CAP2: variants seen among roughly 807,000 people sequenced by gnomAD.
CAP2 encodes the protein cyclase associated actin cytoskeleton regulatory protein 2.
CAP2 carries 24 observed loss-of-function variants against 57.7 expected under a neutral mutation model. The observed-to-expected ratio is 0.42, with a 90% CI of 0.30 to 0.58. The LOEUF (loss-of-function observed/expected upper bound fraction) is 0.58, where lower values mean the gene tolerates loss of function less well. CAP2 is among the 20% of genes least tolerant of loss of function. The pLI is 0.22. For synonymous variants in CAP2, 194 were observed against 207.2 expected (o/e 0.94, Z 0.55); for missense variants, 501 against 590.3 (o/e 0.85, Z 1.57).
chr6:17,399,980 G>A (rs1026366448), intron 1 of CAP2, among the ~76,000 whole-genome samples: 1 of 152,102 alleles, frequency 6.6e-6, no homozygotes, highest in Admixed American at 6.6e-5. Context: ...CCAGCACTTT[G>A]GGAGGCCAAG....
chr6:17,506,681 C>T (rs1174889205), intron 4 of CAP2, among the ~76,000 whole-genome samples: 4 of 151,844 alleles, frequency 2.6e-5, no homozygotes, highest in East Asian at 3.9e-4. Context: ...TGAAAGATTT[C>T]CACTTTTTCA....
intron 4 of CAP2, among the ~76,000 whole-genome samples, chr6:17,490,945 TC>T (rs1761528205): frequency 6.6e-6 from 1 of 152,226 alleles, no homozygotes; most frequent in Non-Finnish European, 1.5e-5. Context: ...CATGTCTGTT[TC>T]CCGTGCAAGT....
chr6:17,461,638 G>A (rs12213888), intron 3 of CAP2, among the ~76,000 whole-genome samples: 75,047 of 151,716 alleles, frequency 0.49, 19,357 homozygotes, highest in East Asian at 0.84. Flanking sequence ...ATGCCAAAAT[G>A]GTTAATCCTG....
chr6:17,531,093 C>T, intron 7 of CAP2: 1 of 761,978 alleles, frequency 1.3e-6, no homozygotes, highest in East Asian at 2.4e-5. Flanking sequence ...GCAGATGATG[C>T]CATATTTACC....
Position 17,543,055 on chromosome 6 carries a change from C to T in CAP2, c.1127-6C>T. 6.2e-7 allele frequency: 1 copy of T among 1,613,578 alleles called. No individual in the cohort carries two copies. The highest frequency in any genetic ancestry group is 8.5e-7 in the Non-Finnish European group (1 of 1,179,556). ...TGGTTTTTTGTTGTGTTTTTTCTCC[C>T]CACAGACAACTGTAAAAAACTCGGC... On this transcript the variant is annotated splice_region_variant and splice_polypyrimidine_tract_variant and intron_variant, in intron 10 of 12. Transcript: ENST00000229922.
chr6:17,513,744 G>T lies in CAP2; in HGVS notation c.531-105G>T. ...TGGGTTGCAAGGACGATTGCTCCGG[G>T]CTCCAGGGCCCCTAGTCACTAGATA... On this transcript the variant is annotated intron_variant, in intron 6 of 12. Coordinates refer to ENST00000229922, the MANE Select transcript of CAP2 (RefSeq NM_006366.3). The surrounding 1 kb of genome is among the most constrained non-coding windows in gnomAD (Gnocchi z 4.3). The T allele has an allele frequency of 1.4e-6, 1 of 731,168 alleles. No homozygotes were observed. The highest frequency in any genetic ancestry group is 2.4e-6 in the Non-Finnish European group (1 of 416,392). The allele number at this position is 731,168 out of a possible 1,614,324, so 45.3% of individuals were successfully genotyped here. A position where few individuals can be genotyped will look rare whatever the true frequency, so the allele number is the denominator to read the frequency against.
At chr6:17,411,417 G>A (rs1340003921) in intron 1 of CAP2, among the ~76,000 whole-genome samples, 1 of 152,220 alleles carries the variant, frequency 6.6e-6, no homozygotes, top group African/African-American at 2.4e-5. Flanking sequence ...AGCAATGTCT[G>A]AGGGTTCCAA....
At chr6:17,496,555 G>C (rs772388145) in intron 4 of CAP2, among the ~76,000 whole-genome samples, 87 of 152,056 alleles carry the variant, frequency 5.7e-4, no homozygotes, top group Middle Eastern at 3.4e-3. Context: ...CAAACTCCTG[G>C]GTTCAAGCCA....
chr6:17,457,511 A>G (rs769274890), intron 3 of CAP2, among the ~76,000 whole-genome samples: 3 of 152,226 alleles, frequency 2.0e-5, no homozygotes, highest in Non-Finnish European at 2.9e-5. Flanking sequence ...TGACATGTCG[A>G]CCGATAAGGT....
chr6:17,414,598 G>A (rs988393194), intron 1 of CAP2, among the ~76,000 whole-genome samples: 3 of 151,990 alleles, frequency 2.0e-5, no homozygotes, highest in African/African-American at 7.3e-5. Flanking sequence ...TCCTTTTTAC[G>A]GCTGCATAGT....
intron 1 of CAP2, among the ~76,000 whole-genome samples, chr6:17,408,668 T>TTTC (rs1326907552): frequency 6.7e-6 from 1 of 148,542 alleles, no homozygotes; most frequent in African/African-American, 2.5e-5. Context: ...TCCTTTTTTT[T>TTTC]TTTTTTTTTT....
At chr6:17,507,767 C>A in intron 6 of CAP2, 41 bp downstream of exon 6, 1 of 1,089,738 alleles carries the variant, frequency 9.2e-7, no homozygotes, top group Non-Finnish European at 1.4e-6. Flanking sequence ...CAGTTGATTA[C>A]TTGTTAGACA....
At chr6:17,524,311 G>A (rs1378228955) in intron 7 of CAP2, among the ~76,000 whole-genome samples, 2 of 152,266 alleles carry the variant, frequency 1.3e-5, no homozygotes, top group South Asian at 2.1e-4. Flanking sequence ...ATACTGTGAA[G>A]CTCTAAGTAA....
intron 4 of CAP2, among the ~76,000 whole-genome samples, chr6:17,498,272 G>T (rs1030591817): frequency 6.6e-6 from 1 of 152,214 alleles, no homozygotes; most frequent in Admixed American, 6.5e-5. Flanking sequence ...ACTGTTCATT[G>T]TGTCAGTGGC....
chr6:17,463,126 T>C, intron 4 of CAP2, 53 bp downstream of exon 4: 6 of 1,314,566 alleles, frequency 4.6e-6, no homozygotes, highest in Non-Finnish European at 6.6e-6. Flanking sequence ...CAGTGTAAGA[T>C]GGAAAACAAG....
chr6:17,407,730 G>A lies in CAP2; in HGVS notation c.-1-13825G>A, dbSNP rs995851255. Among the ~76,000 whole-genome samples the A allele has an allele frequency of 3.6e-5, 5 of 138,456 alleles. No homozygotes were observed. The South Asian group carries it at 1.2e-3, about 32-fold the overall frequency. 90.8% of individuals were successfully genotyped at this position (138,456 alleles called of 152,430 possible). A position where few individuals can be genotyped will look rare whatever the true frequency, so the allele number is the denominator to read the frequency against. On this transcript the variant is annotated intron_variant, in intron 1 of 12. Coordinates refer to ENST00000229922, the MANE Select transcript of CAP2 (RefSeq NM_006366.3). ...GGAGGTGGAGGTTGCAGTCAGCTGAGATCCTGCCACTGCACTCCAGCCTAG... is the reference window on the plus strand; with the variant it reads ...GGAGGTGGAGGTTGCAGTCAGCTGAAATCCTGCCACTGCACTCCAGCCTAG...
At chr6:17,439,033 C>A (rs1294915407) in intron 3 of CAP2, among the ~76,000 whole-genome samples, 1 of 150,732 alleles carries the variant, frequency 6.6e-6, no homozygotes, top group African/African-American at 2.5e-5. Flanking sequence ...ATCGCTTGAA[C>A]CCAGGAGCCG....
intron 4 of CAP2, among the ~76,000 whole-genome samples, chr6:17,463,930 A>G (rs1760793281): frequency 6.6e-6 from 1 of 152,242 alleles, no homozygotes; most frequent in Non-Finnish European, 1.5e-5. Context: ...AAAATTACCA[A>G]GTAAGGCCCA....
intron 3 of CAP2, among the ~76,000 whole-genome samples, chr6:17,437,924 T>G (rs1217242151): frequency 6.6e-6 from 1 of 152,218 alleles, no homozygotes; most frequent in Non-Finnish European, 1.5e-5. Context: ...GAGTTGTTTA[T>G]GCATTTCTTT....
Sources: allele counts gnomAD v4.1 joint callset (sites outside exome capture counted in the v4.1 genomes callset), GRCh38; gene constraint gnomAD v4.1.1; non-coding constraint Gnocchi (gnomAD v3.1); transcripts MANE v1.5; gene names NCBI Gene and HGNC (gene_info 2026-07-23, HGNC 2026-07-21).